Variants in MGAT5B observed in about 807,000 individuals in gnomAD.
MGAT5B encodes alpha-1,6-mannosylglycoprotein 6-beta-N-acetylglucosaminyltransferase B.
MGAT5B carries 54 observed loss-of-function variants against 95.1 expected under a neutral mutation model. That is an observed-to-expected ratio of 0.57 (90% confidence interval 0.46 to 0.71). The LOEUF is 0.71. MGAT5B is among the 30% of genes least tolerant of loss of function. The pLI is 0.00. For missense variants in MGAT5B, 935 were observed against 1,088.6 expected (o/e 0.86, Z 1.99); for synonymous variants, 464 against 451.0 (o/e 1.03, Z -0.36).
chr17:76,920,460 C>T (rs1281330764), intron 8 of MGAT5B, among the ~76,000 whole-genome samples: 8 of 152,250 alleles, frequency 5.3e-5, no homozygotes, highest in Non-Finnish European at 1.0e-4. Flanking sequence ...AATCACTTAG[C>T]GTAAAATTGC....
chr17:76,910,203 C>T lies in MGAT5B; in HGVS notation c.1025+4016C>T, dbSNP rs138263035. On this transcript the variant is annotated intron_variant, in intron 8 of 17. Coordinates refer to ENST00000569840, the MANE Select transcript of MGAT5B (RefSeq NM_001199172.2). ...CATCTTGTTGTCAGATCCAGCTGTT[C>T]GCACTGTGCAGGCCACTTAAGAGAC... Among the ~76,000 whole-genome samples the T allele has an allele frequency of 2.6e-3, 389 of 152,324 alleles. 1 individual carries two copies. Among genetic ancestry groups the T allele is most frequent in the African/African-American group, 8.8e-3 (364 of 41,572 alleles).
chr17:76,882,659 A>C (rs1967472574), intron 3 of MGAT5B: 1 of 176,968 alleles, frequency 5.7e-6, no homozygotes, highest in Non-Finnish European at 1.2e-5. Flanking sequence ...TGTGATTTTA[A>C]CAAATTCCAT....
chr17:76,946,307 C>A, intron 15 of MGAT5B, 69 bp from the exon 16 acceptor site: 2 of 1,380,798 alleles, frequency 1.4e-6, no homozygotes, highest in Non-Finnish European at 2.0e-6. Flanking sequence ...ACCCCCAATG[C>A]CGAGCATGGC....
At chr17:76,923,190 G>A (rs1202668521) in intron 8 of MGAT5B, among the ~76,000 whole-genome samples, 1 of 152,180 alleles carries the variant, frequency 6.6e-6, no homozygotes, top group Non-Finnish European at 1.5e-5. Flanking sequence ...CTTTCAGGCC[G>A]GTACTTTTCC....
intron 13 of MGAT5B, among the ~76,000 whole-genome samples, chr17:76,939,768 G>T (rs1283732601): frequency 6.6e-6 from 1 of 152,144 alleles, no homozygotes; most frequent in Non-Finnish European, 1.5e-5. Context: ...GTGAGAATAT[G>T]CGGTATTTGG....
At position 76,915,993 on chromosome 17, in the gene MGAT5B, G is replaced by A. The variant is rs1030705971; in HGVS notation, c.1026-8973G>A. ...AGACCTACCTAGACTGCGGGTAAGGGGACAGAGAGGGAGCAGGCGCCGGCA... is the reference window on the plus strand; with the variant it reads ...AGACCTACCTAGACTGCGGGTAAGGAGACAGAGAGGGAGCAGGCGCCGGCA... On this transcript the variant is annotated intron_variant, in intron 8 of 17. Transcript: ENST00000569840. The surrounding 1 kb of genome is among the most constrained non-coding windows in gnomAD (Gnocchi z 8.7). Among the ~76,000 whole-genome samples, 1 of 152,234 alleles carries A rather than the reference G, an allele frequency of 6.6e-6. No homozygotes were observed. The highest frequency in any genetic ancestry group is 2.4e-5 in the African/African-American group (1 of 41,466).
chr17:76,908,008 AG>A (rs1968593900), intron 8 of MGAT5B, among the ~76,000 whole-genome samples: 1 of 152,184 alleles, frequency 6.6e-6, no homozygotes, highest in Non-Finnish European at 1.5e-5. Context: ...TCATATGATA[AG>A]GGTTATCATT....
At chr17:76,890,161 T>C (rs1164144901) in intron 3 of MGAT5B, among the ~76,000 whole-genome samples, 1 of 152,010 alleles carries the variant, frequency 6.6e-6, no homozygotes, top group Non-Finnish European at 1.5e-5. Flanking sequence ...GTGGTGGATC[T>C]CAGGGTCACC....
At chr17:76,893,047 G>A (rs1288421328) in intron 3 of MGAT5B, among the ~76,000 whole-genome samples, 1 of 152,134 alleles carries the variant, frequency 6.6e-6, no homozygotes, top group African/African-American at 2.4e-5. Context: ...TGGACATCCC[G>A]GAGCTGCCCA....
At chr17:76,946,200 C>T (rs999276509) in intron 15 of MGAT5B, 176 bp from the exon 16 acceptor site, 18 of 544,226 alleles carry the variant, frequency 3.3e-5, no homozygotes, top group Admixed American at 2.7e-4. Context: ...GGAGGGTGTG[C>T]GGGGAACGGG....
chr17:76,940,438 GC>G lies in MGAT5B; in HGVS notation c.1627del (p.Leu543TrpfsTer71), dbSNP rs778939334. ...IGFGFPYEGPAPLEAIANGCI... is the reference protein window; with the variant it reads ...IGFGFPYEGPXPLEAIANGCI... ...GTTTGGCTTCCCCTACGAGGGCCCC[GC>G]CCCCCTGGAGGCCATCGCCAATGGT... is the stretch of plus-strand genomic sequence containing the variant. On this transcript the variant is annotated frameshift_variant, in exon 14 of 18. Coordinates refer to ENST00000569840, the MANE Select transcript of MGAT5B (RefSeq NM_001199172.2). LOFTEE classifies it high-confidence loss of function. The surrounding 1 kb of genome is among the most constrained non-coding windows in gnomAD (Gnocchi z 4.3). 2 of 1,612,362 alleles carry G rather than the reference GC, an allele frequency of 1.2e-6. No individual in the cohort carries two copies. The highest frequency in any genetic ancestry group is 1.7e-6 in the Non-Finnish European group (2 of 1,179,086).
chr17:76,915,534 CA>C lies in MGAT5B; in HGVS notation c.1025+9350del, dbSNP rs1968899243. 6.6e-6 allele frequency among the ~76,000 whole-genome samples: 1 copy of C among 152,146 alleles called. No individual in the cohort carries two copies. The highest frequency in any genetic ancestry group is 2.4e-5 in the African/African-American group (1 of 41,412). On this transcript the variant is annotated intron_variant, in intron 8 of 17. Transcript: ENST00000569840. The surrounding 1 kb of genome is among the most constrained non-coding windows in gnomAD (Gnocchi z 8.7). Reference sequence around the variant, plus strand: ...CCCTCGAAACAAACAGGATTCGAACCAAATATGGCAAAATGTTAAGGCTTGA... The same window carrying C: ...CCCTCGAAACAAACAGGATTCGAACCAATATGGCAAAATGTTAAGGCTTGA...
At chr17:76,921,844 C>G (rs909528454) in intron 8 of MGAT5B, among the ~76,000 whole-genome samples, 1 of 152,196 alleles carries the variant, frequency 6.6e-6, no homozygotes, top group African/African-American at 2.4e-5. Context: ...GTAAGTTACT[C>G]AGCCTCTCTG....
intron 15 of MGAT5B, among the ~76,000 whole-genome samples, chr17:76,941,814 G>A (rs2145280117): frequency 6.6e-6 from 1 of 152,376 alleles, no homozygotes; most frequent in East Asian, 1.9e-4. Context: ...GAGGCAGGGT[G>A]TGTATCAGCA....
rs1475494348 is a variant in MGAT5B, at chr17:76,918,026, C to A, written c.1026-6940C>A. Among the ~76,000 whole-genome samples, 1 of 152,206 alleles carries A rather than the reference C, an allele frequency of 6.6e-6. No individual in the cohort carries two copies. The highest frequency in any genetic ancestry group is 1.5e-5 in the Non-Finnish European group (1 of 68,034). On this transcript the variant is annotated intron_variant, in intron 8 of 17. Transcript: ENST00000569840. This position sits in a 1 kb window ranked among gnomAD's most constrained non-coding sequence, Gnocchi z 5.1. ...AGCCAGCGGGGTGAGTGTGTGGTCT[C>A]CTCCAGCTCTCCTGGGAGCATGGCC... is the stretch of plus-strand genomic sequence containing the variant.
intron 15 of MGAT5B, chr17:76,944,143 C>T (rs992858939): frequency 2.6e-5 from 4 of 152,222 alleles, no homozygotes; most frequent in South Asian, 2.1e-4. Context: ...GTCACTCTGT[C>T]GAGACTGATT....
chr17:76,898,900 G>A (rs1968196996), intron 3 of MGAT5B, among the ~76,000 whole-genome samples: 1 of 152,178 alleles, frequency 6.6e-6, no homozygotes, highest in Non-Finnish European at 1.5e-5. Context: ...AAGTGATGGA[G>A]CCCCGAGCAC....
chr17:76,927,046 C>T (rs868458149), intron 10 of MGAT5B, among the ~76,000 whole-genome samples: 12 of 152,252 alleles, frequency 7.9e-5, no homozygotes, highest in Middle Eastern at 3.4e-3. Flanking sequence ...GGGGACTCCG[C>T]GGCCTTCCAG....
intron 12 of MGAT5B, among the ~76,000 whole-genome samples, chr17:76,933,843 C>T (rs566475409): frequency 1.3e-5 from 2 of 152,270 alleles, no homozygotes; most frequent in East Asian, 3.9e-4. Flanking sequence ...TCCCCGGGGT[C>T]TTCTTACCTT....
Sources: gnomAD v4.1 joint callset for allele counts (sites outside exome capture counted in the v4.1 genomes callset) on GRCh38, gnomAD v4.1.1 for gene constraint, Gnocchi (gnomAD v3.1) non-coding constraint, MANE v1.5 for transcripts, NCBI Gene and HGNC (gene_info 2026-07-23, HGNC 2026-07-21) for gene names.